Variants in PPP2R2C observed in about 807,000 individuals in gnomAD.
The protein encoded by PPP2R2C is protein phosphatase 2, regulatory subunit B, gamma.
PPP2R2C carries 10 observed loss-of-function variants against 45.3 expected under a neutral mutation model. The observed-to-expected ratio is 0.22, with a 90% CI of 0.14 to 0.37. PPP2R2C has a LOEUF of 0.37. Among genes scored for constraint, PPP2R2C ranks in the 10% least tolerant of loss-of-function variants. PPP2R2C has a pLI of 1.00. For synonymous variants in PPP2R2C, 257 were observed against 245.4 expected (o/e 1.05, Z -0.44); for missense variants, 308 against 619.7 (o/e 0.50, Z 5.34).
intron 1 of PPP2R2C, among the ~76,000 whole-genome samples, chr4:6,408,667 C>T (rs1339924109): frequency 2.0e-5 from 3 of 152,298 alleles, no homozygotes; most frequent in South Asian, 2.1e-4. Context: ...TGGCTGCCTG[C>T]AAGCCTGGGC....
At chr4:6,326,528 C>G (rs982546528) in intron 8 of PPP2R2C, among the ~76,000 whole-genome samples, 1 of 152,144 alleles carries the variant, frequency 6.6e-6, no homozygotes, top group African/African-American at 2.4e-5. Flanking sequence ...GGGTAGGTAA[C>G]CTGGGGAAGG....
intron 2 of PPP2R2C, among the ~76,000 whole-genome samples, chr4:6,511,725 G>GGCA: frequency 1.4e-5 from 1 of 71,764 alleles, no homozygotes; most frequent in Non-Finnish European, 3.6e-5. Flanking sequence ...TGGTGGTGAT[G>GGCA]GTGGTGGAGG....
At chr4:6,446,233 G>C (rs566203118) in intron 1 of PPP2R2C, among the ~76,000 whole-genome samples, 64 of 152,254 alleles carry the variant, frequency 4.2e-4, no homozygotes, top group African/African-American at 1.4e-3. Flanking sequence ...CTGCAGCGTC[G>C]TCAAACCACC....
At chr4:6,485,615 G>A (rs998409989) in intron 2 of PPP2R2C, among the ~76,000 whole-genome samples, 3 of 151,720 alleles carry the variant, frequency 2.0e-5, no homozygotes, top group African/African-American at 4.8e-5. Context: ...GTCTTTCCAG[G>A]AATTTAACCA....
At chr4:6,499,405 G>A (rs1722975463) in intron 2 of PPP2R2C, among the ~76,000 whole-genome samples, 2 of 152,160 alleles carry the variant, frequency 1.3e-5, no homozygotes, top group Admixed American at 6.5e-5. Flanking sequence ...GAGTCCTCTC[G>A]CAGTGCCTCC....
chr4:6,482,789 T>C (rs1722401499), intron 2 of PPP2R2C, among the ~76,000 whole-genome samples: 1 of 152,200 alleles, frequency 6.6e-6, no homozygotes, highest in African/African-American at 2.4e-5. Flanking sequence ...TAGGTTTCTT[T>C]GTCTTAGTTC....
intron 1 of PPP2R2C, among the ~76,000 whole-genome samples, chr4:6,394,532 T>A (rs1439896736): frequency 6.6e-6 from 1 of 152,362 alleles, no homozygotes; most frequent in South Asian, 2.1e-4. Context: ...CTGTCCTGCT[T>A]ATGTGAGTCA....
At chr4:6,349,075 C>A (rs1361188811) in intron 5 of PPP2R2C, 4 of 985,338 alleles carry the variant, frequency 4.1e-6, no homozygotes, top group African/African-American at 1.7e-5. Flanking sequence ...AGATCAGAAT[C>A]TCTTGGAGCA....
chr4:6,421,488 G>A (rs1479259850), intron 1 of PPP2R2C, among the ~76,000 whole-genome samples: 1 of 152,152 alleles, frequency 6.6e-6, no homozygotes, highest in African/African-American at 2.4e-5. Context: ...TGGATTACCC[G>A]GAAGTGCCGC....
chr4:6,382,918 A>C, intron 1 of PPP2R2C: 1 of 1,087,744 alleles, frequency 9.2e-7, no homozygotes, highest in South Asian at 2.6e-5. Flanking sequence ...CCCATTGTGT[A>C]CTCAGAGAAA....
At chr4:6,336,669 T>C (rs775571544) in intron 6 of PPP2R2C, among the ~76,000 whole-genome samples, 5 of 1,986 alleles carry the variant, frequency 2.5e-3, no homozygotes, top group African/African-American at 4.5e-3. Context: ...CCCTCCCTGC[T>C]TCCATCCCTC....
chr4:6,439,956 G>T (rs78853551), intron 1 of PPP2R2C, among the ~76,000 whole-genome samples: 2 of 152,076 alleles, frequency 1.3e-5, no homozygotes, highest in Non-Finnish European at 2.9e-5. Context: ...ACTTCACTGC[G>T]TAGAAAACTC....
chr4:6,377,115 G>A (rs956498926), intron 3 of PPP2R2C, among the ~76,000 whole-genome samples: 1 of 152,238 alleles, frequency 6.6e-6, no homozygotes, highest in African/African-American at 2.4e-5. Context: ...GGCACAGGCG[G>A]GCTGGCAGAA....
chr4:6,335,926 T>C (rs1185481314), intron 6 of PPP2R2C, among the ~76,000 whole-genome samples: 1 of 152,038 alleles, frequency 6.6e-6, no homozygotes, highest in Non-Finnish European at 1.5e-5. Context: ...AGGAGATCTA[T>C]ATCCCTGTCC....
upstream of PPP2R2C, among the ~76,000 whole-genome samples, chr4:6,476,016 G>T (rs536047906): frequency 6.6e-6 from 1 of 152,196 alleles, no homozygotes; most frequent in Non-Finnish European, 1.5e-5. Context: ...GACAGTGGCC[G>T]CCTGCAAACC....
chr4:6,548,074 C>G (rs1725053124), intron 1 of PPP2R2C, among the ~76,000 whole-genome samples: 1 of 152,036 alleles, frequency 6.6e-6, no homozygotes, highest in Non-Finnish European at 1.5e-5. Context: ...AAAAATTAAC[C>G]AGGCATGGTG....
Position 6,331,425 on chromosome 4 carries a change from C to T in PPP2R2C, c.961-2072G>A, listed in dbSNP as rs1732407769. Among the ~76,000 whole-genome samples the T allele has an allele frequency of 6.6e-6, 1 of 151,908 alleles. No individual in the cohort carries two copies. The highest frequency in any genetic ancestry group is 1.5e-5 in the Non-Finnish European group (1 of 67,952). ...ATATTATGGACTTACCTCAGTGTGGCTCATTCAACAACCGTCCCCAGCCCC... is the reference window on the plus strand; with the variant it reads ...ATATTATGGACTTACCTCAGTGTGGTTCATTCAACAACCGTCCCCAGCCCC... On this transcript the variant is annotated intron_variant, in intron 7 of 8. Transcript: ENST00000382599. The surrounding 1 kb of genome is among the most constrained non-coding windows in gnomAD (Gnocchi z 5.9).
intron 1 of PPP2R2C, among the ~76,000 whole-genome samples, chr4:6,429,842 G>A (rs560759140): frequency 1.1e-3 from 162 of 152,262 alleles, no homozygotes; most frequent in Non-Finnish European, 1.7e-3. Context: ...GCCAGTCCCC[G>A]AGAAGCCAGG....
chr4:6,528,184 G>A (rs1045612566), intron 2 of PPP2R2C, among the ~76,000 whole-genome samples: 12 of 152,242 alleles, frequency 7.9e-5, no homozygotes, highest in Non-Finnish European at 2.9e-5. Flanking sequence ...CTCGGCCCCT[G>A]CCCGGGCAAA....
Sources: gnomAD v4.1 joint callset for allele counts (sites outside exome capture counted in the v4.1 genomes callset) on GRCh38, gnomAD v4.1.1 for gene constraint, Gnocchi (gnomAD v3.1) non-coding constraint, MANE v1.5 for transcripts, NCBI Gene and HGNC (gene_info 2026-07-23, HGNC 2026-07-21) for gene names.